Variants in CTNNA2 observed in about 807,000 individuals in gnomAD.
CTNNA2 encodes catenin alpha 2, also known as catenin alpha-2.
Under a neutral mutation model 101.0 loss-of-function variants are expected in CTNNA2, and 42 were observed. The ratio of observed to expected loss-of-function variants is 0.42; its 90% CI spans 0.32 to 0.54. The LOEUF is 0.54. Ranked by LOEUF, CTNNA2 falls within the 20% of genes least tolerant of loss-of-function variation. CTNNA2 has a pLI of 0.14. For synonymous variants in CTNNA2, 450 were observed against 456.4 expected, an observed-to-expected ratio of 0.99 and a Z score of 0.18; for missense variants, 871 against 1,223.1, an observed-to-expected ratio of 0.71 and a Z score of 4.29.
chr2:80,581,695 T>C lies in CTNNA2; in HGVS notation c.1894-11T>C, dbSNP rs74648598. ...ATTTAAGTATGCTGACTTATATCTT[T>C]TTGTCTTTAGACCCCAGAAGAACTA... On this transcript the variant is annotated splice_polypyrimidine_tract_variant and intron_variant, in intron 13 of 18. Coordinates refer to ENST00000402739, the MANE Select transcript of CTNNA2 (RefSeq NM_001282597.3). 4,358 of 1,543,822 alleles carry C rather than the reference T, an allele frequency of 2.8e-3. 100 individuals are homozygous for C. In the African/African-American group the frequency reaches 0.048, roughly 17 times the overall value.
At position 80,174,089 on chromosome 2, in the gene CTNNA2, T is replaced by C. The variant is rs543169081; in HGVS notation, c.1057-219122T>C. 4.6e-5 allele frequency among the ~76,000 whole-genome samples: 7 copies of C among 152,270 alleles called. No individual in the cohort carries two copies. The East Asian group carries it at 1.4e-3, about 29-fold the overall frequency. On this transcript the variant is annotated intron_variant, in intron 7 of 18. Coordinates refer to ENST00000402739, the MANE Select transcript of CTNNA2 (RefSeq NM_001282597.3). Reference sequence around the variant, plus strand: ...ATGAGTGGCACATGCACTGTGCCAATATAAAGTCGTTTTCTCAATGCTAAT... The same window carrying C: ...ATGAGTGGCACATGCACTGTGCCAACATAAAGTCGTTTTCTCAATGCTAAT...
chr2:80,337,471 C>CT (rs1671856157), intron 7 of CTNNA2, among the ~76,000 whole-genome samples: 1 of 151,008 alleles, frequency 6.6e-6, no homozygotes, highest in Non-Finnish European at 1.5e-5. Flanking sequence ...CCACCCCACC[C>CT]TTTTTTTCTT....
At chr2:79,710,148 C>G (rs1391890152) in intron 2 of CTNNA2, among the ~76,000 whole-genome samples, 4 of 152,004 alleles carry the variant, frequency 2.6e-5, no homozygotes, top group South Asian at 2.1e-4. Flanking sequence ...ATCTTTGAGC[C>G]TGTCAGCTTC....
At chr2:80,158,180 T>C (rs17018724) in intron 7 of CTNNA2, among the ~76,000 whole-genome samples, 21,281 of 152,044 alleles carry the variant, frequency 0.14, 3,744 homozygotes, top group African/African-American at 0.42. Flanking sequence ...CATCAGAGAG[T>C]AAGGTTGCCC....
chr2:79,941,867 C>T (rs945737358), intron 7 of CTNNA2, among the ~76,000 whole-genome samples: 1 of 152,116 alleles, frequency 6.6e-6, no homozygotes, highest in Non-Finnish European at 1.5e-5. Context: ...GATCTCCTTC[C>T]CTCAGCCTCC....
At chr2:79,780,762 G>A (rs968974977) in intron 3 of CTNNA2, among the ~76,000 whole-genome samples, 15 of 152,172 alleles carry the variant, frequency 9.9e-5, no homozygotes, top group Admixed American at 7.9e-4. Flanking sequence ...CTGTTTAGAA[G>A]TGTCTTTCTA....
chr2:80,357,099 GAA>G (rs929377328), intron 7 of CTNNA2, among the ~76,000 whole-genome samples: 3 of 152,094 alleles, frequency 2.0e-5, no homozygotes, highest in Non-Finnish European at 2.9e-5. Context: ...TTATAGCAAA[GAA>G]AAAGGTCAGT....
chr2:79,634,267 G>A (rs1341275355), intron 1 of CTNNA2, among the ~76,000 whole-genome samples: 1 of 152,176 alleles, frequency 6.6e-6, no homozygotes, highest in South Asian at 2.1e-4. Context: ...TCTGACTCAA[G>A]TTCTGATTTT....
At chr2:80,140,493 A>C (rs957451544) in intron 7 of CTNNA2, among the ~76,000 whole-genome samples, 23 of 152,062 alleles carry the variant, frequency 1.5e-4, no homozygotes, top group African/African-American at 4.8e-4. Context: ...GCTCTGTCCT[A>C]TCCCTTCCCA....
At chr2:80,544,888 G>A (rs1220875435) in intron 9 of CTNNA2, 94 bp from the exon 10 acceptor site, 5 of 1,020,636 alleles carry the variant, frequency 4.9e-6, no homozygotes, top group Non-Finnish European at 2.9e-6. Flanking sequence ...AATTCTCCTG[G>A]AAGAGACATC....
At chr2:79,586,831 C>T (rs780891117) in intron 1 of CTNNA2, among the ~76,000 whole-genome samples, 10 of 151,832 alleles carry the variant, frequency 6.6e-5, no homozygotes, top group Non-Finnish European at 1.0e-4. Flanking sequence ...CCCCACCCTT[C>T]CTTCTGAGTC....
Position 79,858,074 on chromosome 2 carries a change from C to T in CTNNA2, c.360C>T (p.Arg120=), listed in dbSNP as rs757501950. 5.0e-5 allele frequency: 81 copies of T among 1,614,036 alleles called. No homozygotes were observed. Among genetic ancestry groups the T allele is most frequent in the African/African-American group, 8.0e-5 (6 of 74,940 alleles). The change falls in exon 4 of 19, where the codon CGC becomes CGT. Residue 120 remains arginine, a synonymous_variant. Coordinates refer to ENST00000402739, the MANE Select transcript of CTNNA2 (RefSeq NM_001282597.3). The stretch of plus-strand genomic sequence containing the variant: ...ATGACCCTTGCTCGTCGGTAAAGCG[C>T]GGCACCATGGTACGGGCGGCAAGGG... ...FADDPCSSVK[R]GTMVRAARAL... is the part of the protein sequence containing the mutation.
chr2:79,555,730 T>A (rs985810218), intron 1 of CTNNA2, among the ~76,000 whole-genome samples: 9 of 152,074 alleles, frequency 5.9e-5, no homozygotes, highest in Non-Finnish European at 1.0e-4. Flanking sequence ...ATATAATAAT[T>A]ACTCAAAAGA....
At chr2:80,234,020 C>G (rs1413482089) in intron 7 of CTNNA2, among the ~76,000 whole-genome samples, 1 of 149,838 alleles carries the variant, frequency 6.7e-6, no homozygotes, top group Non-Finnish European at 1.5e-5. Context: ...CACCCTCATG[C>G]CCAAATAAAG....
chr2:80,639,150 TTATCGCACA>T (rs1673173451), intron 18 of CTNNA2, among the ~76,000 whole-genome samples: 2 of 152,192 alleles, frequency 1.3e-5, no homozygotes, highest in South Asian at 2.1e-4. Flanking sequence ...TCTTTAGGAG[TTATCGCACA>T]GAATTTCACT....
chr2:80,193,979 TG>T (rs1404271048), intron 7 of CTNNA2, among the ~76,000 whole-genome samples: 1 of 152,158 alleles, frequency 6.6e-6, no homozygotes, highest in Non-Finnish European at 1.5e-5. Context: ...TTTTAAACAA[TG>T]GATTTCCATT....
At chr2:79,688,509 T>A (rs187836285) in intron 2 of CTNNA2, among the ~76,000 whole-genome samples, 1 of 152,136 alleles carries the variant, frequency 6.6e-6, no homozygotes, top group East Asian at 1.9e-4. Context: ...TATGTATATA[T>A]GTATGTAGTG....
chr2:79,446,705 G>A (rs544748449), intron 4 of CTNNA2, among the ~76,000 whole-genome samples: 17 of 152,162 alleles, frequency 1.1e-4, no homozygotes, highest in Non-Finnish European at 2.1e-4. Context: ...CAAGCCCAGA[G>A]AATAACTAGA....
intron 7 of CTNNA2, among the ~76,000 whole-genome samples, chr2:80,338,869 G>A (rs1157566791): frequency 1.3e-5 from 2 of 152,106 alleles, no homozygotes; most frequent in Non-Finnish European, 1.5e-5. Context: ...TAGGCCAGGA[G>A]CAAAAGACAT....
Sources: gnomAD v4.1 joint callset for allele counts (sites outside exome capture counted in the v4.1 genomes callset) on GRCh38, gnomAD v4.1.1 for gene constraint, MANE v1.5 for transcripts, NCBI Gene and HGNC (gene_info 2026-07-23, HGNC 2026-07-21) for gene names.